The following MED13L variants were observed in gnomAD, a reference collection of about 807,000 sequenced individuals.
The protein encoded by MED13L is mediator of RNA polymerase II transcription subunit 13-like.
In MED13L, 7 loss-of-function variants were observed where a neutral mutation model predicts 220.9. That is an observed-to-expected ratio of 0.03 (90% CI 0.02 to 0.06). The LOEUF (loss-of-function observed/expected upper bound fraction) is 0.06, where lower values mean the gene tolerates loss of function less well. Among genes scored for constraint, MED13L ranks in the 10% least tolerant of loss-of-function variants. MED13L has a pLI of 1.00. For synonymous variants in MED13L, 1,011 were observed against 1,015.2 expected (o/e 1.00, Z 0.08); for missense variants, 1,965 against 2,760.5 (o/e 0.71, Z 6.46).
At position 115,961,262 on chromosome 12, in the gene MED13L, C is replaced by A. The variant is rs747285139; in HGVS notation, c.*4G>T. 1.2e-6 allele frequency: 2 copies of A among 1,614,132 alleles called. No individual in the cohort carries two copies. The highest frequency in any genetic ancestry group is 2.2e-5 in the South Asian group (2 of 91,084). ...TGAGCCAGAGAGAACAAGTGCTTTTCCAATTAAAGTATATTCATGATGGCA... is the reference window on the plus strand; with the variant it reads ...TGAGCCAGAGAGAACAAGTGCTTTTACAATTAAAGTATATTCATGATGGCA... On this transcript the variant is annotated 3_prime_UTR_variant, in exon 31 of 31. Transcript: ENST00000281928.
chr12:116,080,088 ATTC>A (rs1214949966), intron 4 of MED13L, among the ~76,000 whole-genome samples: 7 of 152,034 alleles, frequency 4.6e-5, no homozygotes, highest in South Asian at 4.2e-4. Flanking sequence ...GCCCAAGACA[ATTC>A]TTCTTCTTCC....
chr12:116,003,197 C>A (rs1398466627), intron 13 of MED13L, 95 bp from the exon 14 acceptor site: 1 of 1,068,750 alleles, frequency 9.4e-7, no homozygotes, highest in South Asian at 1.3e-5. Context: ...GTAGATGCCT[C>A]TTGGTAGAAG....
intron 2 of MED13L, among the ~76,000 whole-genome samples, chr12:116,116,256 C>A (rs1384248681): frequency 6.6e-6 from 1 of 152,110 alleles, no homozygotes; most frequent in Non-Finnish European, 1.5e-5. Context: ...ACCCTGACTT[C>A]TAGGGAGAAG....
intron 16 of MED13L, among the ~76,000 whole-genome samples, chr12:115,994,692 T>C (rs1276329104): frequency 6.6e-6 from 1 of 152,224 alleles, no homozygotes; most frequent in Non-Finnish European, 1.5e-5. Context: ...TTAAAACTGC[T>C]ATGTCATTTA....
intron 1 of MED13L, among the ~76,000 whole-genome samples, chr12:116,274,259 T>C (rs545900489): frequency 6.6e-6 from 1 of 152,132 alleles, no homozygotes; most frequent in Non-Finnish European, 1.5e-5. Flanking sequence ...AGTGTCTGAT[T>C]GATTGCACAA....
intron 2 of MED13L, among the ~76,000 whole-genome samples, chr12:116,153,548 A>G (rs1176073710): frequency 6.6e-6 from 1 of 152,196 alleles, no homozygotes; most frequent in Non-Finnish European, 1.5e-5. Context: ...TAAAGAATTA[A>G]AGTTAAGTGT....
chr12:116,109,724 C>A (rs1434553837), intron 3 of MED13L, among the ~76,000 whole-genome samples: 3 of 152,112 alleles, frequency 2.0e-5, no homozygotes, highest in Non-Finnish European at 4.4e-5. Flanking sequence ...TTTCGTTTTA[C>A]AGTGGGAGAC....
rs578090240 is a variant in MED13L, at chr12:115,980,042, G to A, written c.5364+708C>T. Among the ~76,000 whole-genome samples, 8 of 152,240 alleles carry A rather than the reference G, an allele frequency of 5.3e-5. No homozygotes were observed. The East Asian group carries it at 1.4e-3, about 26-fold the overall frequency. Reference sequence around the variant, plus strand: ...CCTCTAAGTATGTGCATCACAAAACGAGGGACCCCTGCAGAGTAAACACAA... The same window carrying A: ...CCTCTAAGTATGTGCATCACAAAACAAGGGACCCCTGCAGAGTAAACACAA... On this transcript the variant is annotated intron_variant, in intron 23 of 30. Transcript: ENST00000281928.
At chr12:116,114,348 T>G (rs1269080067) in intron 2 of MED13L, among the ~76,000 whole-genome samples, 1 of 152,216 alleles carries the variant, frequency 6.6e-6, no homozygotes, top group Admixed American at 6.5e-5. Context: ...GCATGCGCTG[T>G]GGAACACTGA....
chr12:116,015,762 G>C (rs1439245680), intron 7 of MED13L, among the ~76,000 whole-genome samples: 1 of 152,150 alleles, frequency 6.6e-6, no homozygotes, highest in East Asian at 1.9e-4. Context: ...GCCCTGGGTA[G>C]GAAAAAGAAA....
intron 11 of MED13L, chr12:116,006,886 T>C (rs774950003): frequency 2.5e-4 from 53 of 208,184 alleles, no homozygotes; most frequent in African/African-American, 3.5e-4. Flanking sequence ...GTCTGAAAAT[T>C]TGAAATTAAA....
At chr12:116,126,622 T>C (rs920966661) in intron 2 of MED13L, among the ~76,000 whole-genome samples, 7 of 152,172 alleles carry the variant, frequency 4.6e-5, no homozygotes, top group African/African-American at 1.4e-4. Context: ...GCAAAGAGGA[T>C]AGAATTTGCA....
rs1212150767 is a variant in MED13L at position 116,008,345 on chromosome 12, G to A, written c.2012+56C>T. 2.6e-6 allele frequency: 4 copies of A among 1,548,014 alleles called. No individual in the cohort carries two copies. The South Asian group carries it at 3.7e-5, about 14-fold the overall frequency. On this transcript the variant is annotated intron_variant, in intron 10 of 30. Transcript: ENST00000281928. ...CTGAAAGTTTAGCAGGTAGAGATGG[G>A]GAGGGAGCCCATGCCCTTCCGGTGG...
chr12:116,102,866 C>T (rs918858300), intron 3 of MED13L, among the ~76,000 whole-genome samples: 1 of 151,526 alleles, frequency 6.6e-6, no homozygotes, highest in Non-Finnish European at 1.5e-5. Context: ...GGATTACAGA[C>T]GCGCCCCACC....
At chr12:116,273,532 T>A (rs1328176462) in intron 1 of MED13L, among the ~76,000 whole-genome samples, 1 of 151,600 alleles carries the variant, frequency 6.6e-6, no homozygotes, top group Non-Finnish European at 1.5e-5. Flanking sequence ...TACAACTACC[T>A]TCCCATTCTG....
chr12:116,067,966 A>G (rs1025926626), intron 4 of MED13L, among the ~76,000 whole-genome samples: 11 of 152,170 alleles, frequency 7.2e-5, no homozygotes, highest in South Asian at 2.1e-4. Flanking sequence ...CAGAAAGATG[A>G]TATGTGAAAG....
At chr12:116,121,390 G>A (rs1024110040) in intron 2 of MED13L, among the ~76,000 whole-genome samples, 4 of 152,146 alleles carry the variant, frequency 2.6e-5, no homozygotes, top group Admixed American at 2.0e-4. Context: ...GAGAAAAAAA[G>A]TCAATATGGC....
chr12:116,173,808 G>A (rs1879859412), intron 2 of MED13L, among the ~76,000 whole-genome samples: 1 of 152,136 alleles, frequency 6.6e-6, no homozygotes. Flanking sequence ...CAGAAGAATG[G>A]AAAAGCCAGG....
intron 4 of MED13L, among the ~76,000 whole-genome samples, chr12:116,062,728 C>T (rs1208646183): frequency 1.3e-5 from 2 of 151,934 alleles, no homozygotes; most frequent in Admixed American, 6.6e-5. Flanking sequence ...CCCTGTGATC[C>T]GACCAACTCA....
Sources: allele counts gnomAD v4.1 joint callset (sites outside exome capture counted in the v4.1 genomes callset), GRCh38; gene constraint gnomAD v4.1.1; transcripts MANE v1.5; gene names NCBI Gene and HGNC (gene_info 2026-07-23, HGNC 2026-07-21).